The following UVRAG variants were observed in gnomAD, a reference collection of about 807,000 sequenced individuals.
UVRAG encodes UV radiation resistance associated.
In UVRAG, 19 loss-of-function variants were observed where a neutral mutation model predicts 78.0. That is an observed-to-expected ratio of 0.24 (90% CI 0.17 to 0.36). The LOEUF (loss-of-function observed/expected upper bound fraction) is 0.36. Among genes scored for constraint, UVRAG ranks in the 10% least tolerant of loss-of-function variants. UVRAG has a pLI of 1.00. For missense variants in UVRAG, 740 were observed against 853.8 expected (o/e 0.87, Z 1.66); for synonymous variants, 323 against 324.6 (o/e 1.00, Z 0.05).
chr11:75,964,127 T>A (rs573176213), intron 7 of UVRAG, among the ~76,000 whole-genome samples: 1 of 152,340 alleles, frequency 6.6e-6, no homozygotes, highest in South Asian at 2.1e-4. Context: ...TTTTTAATGC[T>A]CATTACTGGA....
intron 9 of UVRAG, among the ~76,000 whole-genome samples, chr11:76,005,925 C>T (rs1036785718): frequency 1.3e-5 from 2 of 152,190 alleles, no homozygotes; most frequent in Non-Finnish European, 2.9e-5. Context: ...TTCCATGCCC[C>T]GTCTGTGCAC....
At chr11:76,032,411 A>G (rs528071508) in intron 12 of UVRAG, among the ~76,000 whole-genome samples, 35 of 152,344 alleles carry the variant, frequency 2.3e-4, no homozygotes, top group Non-Finnish European at 4.3e-4. Flanking sequence ...TTCTTCTCTA[A>G]TTCATTGAAA....
intron 3 of UVRAG, among the ~76,000 whole-genome samples, chr11:75,862,868 AC>A (rs1205038620): frequency 1.3e-5 from 2 of 152,158 alleles, no homozygotes; most frequent in African/African-American, 4.8e-5. Flanking sequence ...TGCTCCTGTT[AC>A]CCTGGAGTCT....
At chr11:76,108,423 T>C (rs1952009941) in intron 13 of UVRAG, among the ~76,000 whole-genome samples, 1 of 152,234 alleles carries the variant, frequency 6.6e-6, no homozygotes, top group Admixed American at 6.5e-5. Context: ...ACGTTTTAAA[T>C]GTGATCTCCA....
At chr11:75,892,536 C>T (rs1484140848) in intron 5 of UVRAG, 1 of 447,636 alleles carries the variant, frequency 2.2e-6, no homozygotes, top group African/African-American at 2.1e-5. Context: ...GCACAGAGAA[C>T]TTAAGTAACT....
At chr11:75,872,375 A>G (rs1163235504) in intron 3 of UVRAG, among the ~76,000 whole-genome samples, 1 of 144,534 alleles carries the variant, frequency 6.9e-6, no homozygotes, top group Non-Finnish European at 1.5e-5. Context: ...CGTATACAAA[A>G]GTGATCTAAT....
chr11:75,846,491 C>G (rs547655738), intron 1 of UVRAG, among the ~76,000 whole-genome samples: 1 of 152,166 alleles, frequency 6.6e-6, no homozygotes, highest in Non-Finnish European at 1.5e-5. Flanking sequence ...AAATTTTTTC[C>G]TATGTTATCT....
At chr11:75,824,669 A>ATTTTTTT (rs1217028567) in intron 1 of UVRAG, among the ~76,000 whole-genome samples, 2 of 118,658 alleles carry the variant, frequency 1.7e-5, no homozygotes, top group African/African-American at 3.4e-5. Flanking sequence ...GAAGTTTGTC[A>ATTTTTTT]TTTTTTTTTT....
At chr11:75,920,026 TTTTTTTTTTTTTTTTTTG>T (rs1195196112) in intron 6 of UVRAG, among the ~76,000 whole-genome samples, 3 of 107,750 alleles carry the variant, frequency 2.8e-5, no homozygotes, top group Admixed American at 8.9e-5. Context: ...TTTTTTTTTT[TTTTTTTTTTTTTTTTTTG>T]GGACGAAGTC....
intron 6 of UVRAG, among the ~76,000 whole-genome samples, chr11:75,947,316 GTAATATCC>G (rs1282196819): frequency 6.6e-6 from 1 of 152,130 alleles, no homozygotes; most frequent in Non-Finnish European, 1.5e-5. Flanking sequence ...ATTTCTGGGA[GTAATATCC>G]TATGGTGTTT....
At chr11:75,986,211 A>G (rs1452481483) in intron 8 of UVRAG, among the ~76,000 whole-genome samples, 1 of 152,116 alleles carries the variant, frequency 6.6e-6, no homozygotes, top group African/African-American at 2.4e-5. Flanking sequence ...GCCTTTGTTT[A>G]TTAGATCTTC....
At chr11:75,934,822 C>G (rs1420047518) in intron 6 of UVRAG, 1 of 151,202 alleles carries the variant, frequency 6.6e-6, no homozygotes, top group Non-Finnish European at 1.5e-5. Flanking sequence ...AAATCATGAT[C>G]TAGTCTCCAA....
At chr11:76,011,259 TC>T (rs1320004262) in intron 11 of UVRAG, among the ~76,000 whole-genome samples, 1 of 152,220 alleles carries the variant, frequency 6.6e-6, no homozygotes, top group Non-Finnish European at 1.5e-5. Flanking sequence ...AAGGTCATAT[TC>T]ATTCCCATTC....
intron 1 of UVRAG, among the ~76,000 whole-genome samples, chr11:75,838,215 C>T (rs541525881): frequency 2.0e-5 from 3 of 152,198 alleles, no homozygotes; most frequent in African/African-American, 7.2e-5. Flanking sequence ...TAATTTAGTC[C>T]CCTATTGATG....
chr11:76,110,125 A>G (rs746156007), intron 13 of UVRAG, among the ~76,000 whole-genome samples: 1 of 151,642 alleles, frequency 6.6e-6, no homozygotes, highest in Non-Finnish European at 1.5e-5. Flanking sequence ...TTAAGTGGTA[A>G]GCCATTATTG....
intron 2 of UVRAG, among the ~76,000 whole-genome samples, chr11:75,857,753 G>A (rs1340781291): frequency 6.6e-6 from 1 of 150,506 alleles, no homozygotes; most frequent in Non-Finnish European, 1.5e-5. Flanking sequence ...TTCCCTAAGT[G>A]CTGGGATTAC....
intron 6 of UVRAG, among the ~76,000 whole-genome samples, chr11:75,957,360 T>C (rs1051321287): frequency 6.6e-6 from 1 of 152,088 alleles, no homozygotes; most frequent in Non-Finnish European, 1.5e-5. Context: ...CAAAAATTAA[T>C]TTGCTATATA....
intron 3 of UVRAG, among the ~76,000 whole-genome samples, chr11:75,868,638 T>C (rs1478389691): frequency 6.6e-6 from 1 of 152,222 alleles, no homozygotes. Flanking sequence ...CATCTCTTCT[T>C]GTGTTCAGGG....
intron 1 of UVRAG, among the ~76,000 whole-genome samples, chr11:75,830,471 C>T (rs752825716): frequency 5.9e-5 from 9 of 151,874 alleles, no homozygotes; most frequent in Non-Finnish European, 1.3e-4. Flanking sequence ...CTGGGTTTTA[C>T]CATGTTAGCC....
Sources: allele counts gnomAD v4.1 joint callset (sites outside exome capture counted in the v4.1 genomes callset), GRCh38; gene constraint gnomAD v4.1.1; transcripts MANE v1.5; gene names NCBI Gene and HGNC (gene_info 2026-07-23, HGNC 2026-07-21).